Variants in COL20A1 observed in about 807,000 individuals in gnomAD.
The protein encoded by COL20A1 is collagen type XX alpha 1 chain.
COL20A1 carries 164 observed loss-of-function variants against 152.9 expected under a neutral mutation model. The ratio of observed to expected loss-of-function variants is 1.07; its 90% CI spans 0.94 to 1.22. The LOEUF is 1.22. Among genes scored for constraint, COL20A1 ranks in the 50% most tolerant of loss-of-function variants. The probability of loss-of-function intolerance (pLI) is 0.00; values close to 1 mark genes in which losing one functional copy is unlikely to be tolerated. For missense variants in COL20A1, 1,873 were observed against 1,744.8 expected (o/e 1.07, Z -1.31); for synonymous variants, 864 against 756.0 (o/e 1.14, Z -2.34).
rs1601445164 is a variant in COL20A1 at position 63,328,338 on chromosome 20, G to A, written c.3621G>A (p.Val1207=). 2 of 1,611,568 alleles carry A rather than the reference G, an allele frequency of 1.2e-6. No homozygotes were observed. The highest frequency in any genetic ancestry group is 4.5e-5 in the East Asian group (2 of 44,802). The change falls in exon 34 of 36, where the codon GTG becomes GTA. Residue 1207 remains valine, a synonymous_variant. Coordinates refer to ENST00000358894, the MANE Select transcript of COL20A1 (RefSeq NM_020882.4). The part of the protein sequence containing the change: ...LYQLVSQASH[V]SKFDSFHENT... The stretch of plus-strand genomic sequence containing the variant: ...CACCCCTCCTCCCCACAGCACACGT[G>A]TCAAAGTTCGACTCCTTCCACGAGA...
chr20:63,293,447 G>A (rs2067741305), intron 1 of COL20A1, among the ~76,000 whole-genome samples, 172 bp downstream of exon 1: 1 of 152,144 alleles, frequency 6.6e-6, no homozygotes, highest in African/African-American at 2.4e-5. Context: ...GGCCAGGAGG[G>A]GCCGGGGCAG....
In COL20A1 at chr20:63,320,300, C is replaced by G. The variant is rs772491655; in HGVS notation, c.3085C>G (p.Gln1029Glu). 4 of 1,610,338 alleles carry G rather than the reference C, an allele frequency of 2.5e-6. No individual in the cohort carries two copies. In the African/African-American group the frequency reaches 4.0e-5, roughly 16 times the overall value. ...PRSSSAAFQL[Q>E]MLQIVCSDTW... Reference sequence around the variant, plus strand: ...CTCCCCTGCGTTGCAGTTTCAGCTCCAGATGCTGCAGATCGTGTGCAGTGA... The same window carrying G: ...CTCCCCTGCGTTGCAGTTTCAGCTCGAGATGCTGCAGATCGTGTGCAGTGA... The change falls in exon 25 of 36, where the codon CAG becomes GAG. Residue 1029 changes from glutamine to glutamate, a missense_variant. Gln to Glu is a conservative substitution (Grantham distance 29). Coordinates refer to ENST00000358894, the MANE Select transcript of COL20A1 (RefSeq NM_020882.4).
Position 63,319,442 on chromosome 20 carries a change from G to A in COL20A1, c.2807-45G>A. 1 of 1,437,854 alleles carries A rather than the reference G, an allele frequency of 7.0e-7. No individual in the cohort carries two copies. The highest frequency in any genetic ancestry group is 1.2e-5 in the South Asian group (1 of 81,100). The allele number at this position is 1,437,854 out of a possible 1,614,324, so 89.1% of individuals were successfully genotyped here. On this transcript the variant is annotated intron_variant, in intron 22 of 35. Transcript: ENST00000358894. The surrounding 1 kb of genome is among the most constrained non-coding windows in gnomAD (Gnocchi z 4.4). ...CCGCCCTGCTCAAGGTATAGGCCCGGCTGGTTGCAGCCCGTTCTCACCTGC... is the reference window on the plus strand; with the variant it reads ...CCGCCCTGCTCAAGGTATAGGCCCGACTGGTTGCAGCCCGTTCTCACCTGC...
chr20:63,320,249 C>G, intron 24 of COL20A1, 42 bp from the exon 25 acceptor site: 4 of 1,605,244 alleles, frequency 2.5e-6, no homozygotes, highest in Non-Finnish European at 3.4e-6. Context: ...GGCTGGCAGC[C>G]TCTCTGAGCC....
intron 20 of COL20A1, 99 bp from the exon 21 acceptor site, chr20:63,316,454 G>T: frequency 1.6e-6 from 1 of 606,454 alleles, no homozygotes; most frequent in Non-Finnish European, 2.4e-6. Flanking sequence ...CCGCACTGCA[G>T]CCCCTGGGTC....
rs373181151 is a variant in COL20A1 at position 63,319,206 on chromosome 20, G to A, written c.2806+6G>A. 28 of 1,611,070 alleles carry A rather than the reference G, an allele frequency of 1.7e-5. No individual in the cohort carries two copies. The highest frequency in any genetic ancestry group is 3.3e-5 in the South Asian group (3 of 90,858). ...CCTTGGGGTTCTGCTGGATGGTGACGTGGGCCCCGCGTCGCCCCCAGCAGT... is the reference window on the plus strand; with the variant it reads ...CCTTGGGGTTCTGCTGGATGGTGACATGGGCCCCGCGTCGCCCCCAGCAGT... On this transcript the variant is annotated splice_donor_region_variant and intron_variant, in intron 22 of 35. Transcript: ENST00000358894. This position sits in a 1 kb window ranked among gnomAD's most constrained non-coding sequence, Gnocchi z 4.4.
intron 26 of COL20A1, among the ~76,000 whole-genome samples, chr20:63,321,304 C>T (rs565754754): frequency 7.6e-4 from 115 of 152,298 alleles, no homozygotes; most frequent in African/African-American, 2.7e-3. Flanking sequence ...TTCCTTCCCC[C>T]AGGCTGGGCC....
chr20:63,322,726 C>T (rs1190199944), intron 27 of COL20A1, among the ~76,000 whole-genome samples: 3 of 152,230 alleles, frequency 2.0e-5, no homozygotes, highest in African/African-American at 7.2e-5. Context: ...ACTGCACAAG[C>T]GTGACACAGA....
chr20:63,309,442 G>A lies in COL20A1; in HGVS notation c.1050G>A (p.Leu350=). The A allele has an allele frequency of 6.5e-7, 1 of 1,542,558 alleles. No homozygotes were observed. Among genetic ancestry groups the A allele is most frequent in the Non-Finnish European group, 8.8e-7 (1 of 1,141,578 alleles). The change falls in exon 9 of 36, where the codon CTG becomes CTA. Residue 350 remains leucine, a synonymous_variant. Transcript: ENST00000358894. ...DFLQLGALAG[L]LSRLICQRLQ... ...TGCAGCTCGGCGCGCTGGCTGGCCT[G>A]CTCAGCCGTCTCATCTGCCAGAGGC...
chr20:63,295,424 T>C (rs2067775949), intron 2 of COL20A1, among the ~76,000 whole-genome samples: 1 of 152,260 alleles, frequency 6.6e-6, no homozygotes, highest in African/African-American at 2.4e-5. Context: ...GTTATATTAA[T>C]GCTTGGCCGA....
In COL20A1 at chr20:63,311,863, G is replaced by A; in HGVS notation, c.1664-53G>A. ...TCGGTCCCAGCCACTGCCCACCCTTGCCCCTGCCATGGAGGCCGCGTGCTG... is the reference window on the plus strand; with the variant it reads ...TCGGTCCCAGCCACTGCCCACCCTTACCCCTGCCATGGAGGCCGCGTGCTG... On this transcript the variant is annotated intron_variant, in intron 13 of 35. Coordinates refer to ENST00000358894, the MANE Select transcript of COL20A1 (RefSeq NM_020882.4). The surrounding 1 kb of genome is among the most constrained non-coding windows in gnomAD (Gnocchi z 4.4). 1 of 1,508,498 alleles carries A rather than the reference G, an allele frequency of 6.6e-7. No individual in the cohort carries two copies. The highest frequency in any genetic ancestry group is 8.9e-7 in the Non-Finnish European group (1 of 1,129,504). 93.4% of individuals were successfully genotyped at this position (1,508,498 alleles called of 1,614,324 possible). A position where few individuals can be genotyped will look rare whatever the true frequency, so the allele number is the denominator to read the frequency against.
At chr20:63,328,026 C>T (rs1417777956) in intron 32 of COL20A1, 39 bp downstream of exon 32, 2 of 1,612,424 alleles carry the variant, frequency 1.2e-6, no homozygotes, top group Non-Finnish European at 1.7e-6. Flanking sequence ...TTGGGATCTC[C>T]TGGGAAGGCA....
In COL20A1 at chr20:63,325,726, C is replaced by G. The variant is rs201364088; in HGVS notation, c.3402+5C>G. 1 of 1,611,228 alleles carries G rather than the reference C, an allele frequency of 6.2e-7. No homozygotes were observed. The highest frequency in any genetic ancestry group is 1.3e-5 in the African/African-American group (1 of 74,856). ...GTTGGCCTCCAGGGACCAAAGGTGCCGGCTCTGGGCTTGGAGGGTTCTGTC... is the reference window on the plus strand; with the variant it reads ...GTTGGCCTCCAGGGACCAAAGGTGCGGGCTCTGGGCTTGGAGGGTTCTGTC... On this transcript the variant is annotated splice_donor_5th_base_variant and intron_variant, in intron 29 of 35. Transcript: ENST00000358894.
At chr20:63,298,095 A>G (rs2067822125) in intron 3 of COL20A1, 75 bp downstream of exon 3, 12 of 988,300 alleles carry the variant, frequency 1.2e-5, no homozygotes, top group Non-Finnish European at 1.8e-5. Flanking sequence ...GGCCGCAGCC[A>G]CCACTCAGGC....
Position 63,332,601 on chromosome 20 carries a change from T to C in COL20A1, c.*1885T>C, listed in dbSNP as rs1231851713. ...TGGGCACTGGGTGGCTGAGACCACA[T>C]TGGCAGCCAGGAGGAGGCAGCCTGG... On this transcript the variant is annotated 3_prime_UTR_variant, in exon 36 of 36. Transcript: ENST00000358894. 2 of 152,162 alleles carry C rather than the reference T, an allele frequency of 1.3e-5. No homozygotes were observed. The highest frequency in any genetic ancestry group is 2.9e-5 in the Non-Finnish European group (2 of 68,052). The allele number at this position is 152,162 out of a possible 1,614,324, so 9.4% of individuals were successfully genotyped here.
intron 21 of COL20A1, among the ~76,000 whole-genome samples, chr20:63,317,719 C>G (rs745520780): frequency 6.6e-6 from 1 of 152,036 alleles, no homozygotes; most frequent in Admixed American, 6.5e-5. Context: ...CATCCTCTCC[C>G]TCCCCCCAGT....
intron 19 of COL20A1, among the ~76,000 whole-genome samples, chr20:63,314,968 A>G (rs2008172): frequency 0.23 from 33,927 of 149,132 alleles, 4,189 homozygotes; most frequent in East Asian, 0.39. Flanking sequence ...TGGCCCCAGG[A>G]CACGTGTGTC....
At chr20:63,293,606 T>C (rs1312825329) in intron 1 of COL20A1, among the ~76,000 whole-genome samples, 1 of 151,740 alleles carries the variant, frequency 6.6e-6, no homozygotes, top group Admixed American at 6.6e-5. Context: ...CTGGCAGGGG[T>C]CCCACTGAGT....
chr20:63,297,120 C>A (rs2067804401), intron 2 of COL20A1, among the ~76,000 whole-genome samples: 1 of 152,242 alleles, frequency 6.6e-6, no homozygotes, highest in Non-Finnish European at 1.5e-5. Context: ...AATGTGCACA[C>A]ACTTCCAGTG....
Sources: gnomAD v4.1 joint callset for allele counts (sites outside exome capture counted in the v4.1 genomes callset) on GRCh38, gnomAD v4.1.1 for gene constraint, Gnocchi (gnomAD v3.1) non-coding constraint, MANE v1.5 for transcripts, NCBI Gene and HGNC (gene_info 2026-07-23, HGNC 2026-07-21) for gene names.